The following GPR176 variants were observed in gnomAD, a reference collection of about 807,000 sequenced individuals.
The protein encoded by GPR176 is G-protein coupled receptor 176.
Under a neutral mutation model 35.4 loss-of-function variants are expected in GPR176, and 26 were observed. That is an observed-to-expected ratio of 0.74 (90% CI 0.54 to 1.02). The LOEUF is 1.02. GPR176 is among the 50% of genes least tolerant of loss of function. The probability of loss-of-function intolerance (pLI) is 0.00; values close to 1 mark genes in which losing one functional copy is unlikely to be tolerated. For missense variants in GPR176, 597 were observed against 665.3 expected (o/e 0.90, Z 1.13); for synonymous variants, 278 against 271.3 (o/e 1.02, Z -0.24).
chr15:39,878,102 G>A (rs945148641), intron 1 of GPR176, among the ~76,000 whole-genome samples: 4 of 146,916 alleles, frequency 2.7e-5, no homozygotes, highest in Non-Finnish European at 6.0e-5. Flanking sequence ...TTACCTGTGT[G>A]TGTGTGTGTG....
At chr15:39,815,066 T>C (rs1265590970) in intron 1 of GPR176, 2 of 152,118 alleles carry the variant, frequency 1.3e-5, no homozygotes, top group South Asian at 4.1e-4. Flanking sequence ...GTATGTGCTG[T>C]TTAAGTGTTA....
At chr15:39,844,918 T>C (rs1168745249) in intron 1 of GPR176, among the ~76,000 whole-genome samples, 1 of 152,158 alleles carries the variant, frequency 6.6e-6, no homozygotes, top group African/African-American at 2.4e-5. Context: ...CTTTCAAGGA[T>C]GAAACTAAGA....
intron 1 of GPR176, among the ~76,000 whole-genome samples, chr15:39,879,024 G>A (rs1255919909): frequency 6.6e-6 from 1 of 152,216 alleles, no homozygotes; most frequent in East Asian, 1.9e-4. Context: ...GTACACCTTG[G>A]TGAAGATTAC....
At chr15:39,843,636 ACATTCCC>A (rs1382362591) in intron 1 of GPR176, among the ~76,000 whole-genome samples, 1 of 152,198 alleles carries the variant, frequency 6.6e-6, no homozygotes, top group Non-Finnish European at 1.5e-5. Flanking sequence ...AAAGAAAGCC[ACATTCCC>A]AGCTAAGATG....
chr15:39,877,550 C>CTTTTTTTTTTTTT (rs56071903), intron 1 of GPR176, among the ~76,000 whole-genome samples: 2 of 131,638 alleles, frequency 1.5e-5, no homozygotes. Context: ...TCTTCTTCTT[C>CTTTTTTTTTTTTT]TTTTTTTTTT....
chr15:39,909,307 G>T (rs904710547), intron 1 of GPR176, among the ~76,000 whole-genome samples: 1 of 152,166 alleles, frequency 6.6e-6, no homozygotes, highest in African/African-American at 2.4e-5. Flanking sequence ...ACTTCCTCAC[G>T]TAATAGTTGG....
intron 1 of GPR176, among the ~76,000 whole-genome samples, chr15:39,900,549 G>C (rs1160708608): frequency 6.6e-5 from 10 of 152,158 alleles, no homozygotes; most frequent in African/African-American, 2.4e-4. Flanking sequence ...ACGTACTCCC[G>C]TTGTCCATAT....
intron 1 of GPR176, among the ~76,000 whole-genome samples, chr15:39,838,207 C>T (rs1291266116): frequency 6.6e-6 from 1 of 152,022 alleles, no homozygotes; most frequent in Admixed American, 6.6e-5. Flanking sequence ...AGAATTAAAT[C>T]TACAAAGCTA....
chr15:39,829,866 C>T (rs1275590939), intron 1 of GPR176, among the ~76,000 whole-genome samples: 1 of 152,106 alleles, frequency 6.6e-6, no homozygotes, highest in Non-Finnish European at 1.5e-5. Flanking sequence ...GAGGTTCACA[C>T]AAGGATGGGT....
chr15:39,838,486 T>C (rs116418937), intron 1 of GPR176, among the ~76,000 whole-genome samples: 2,010 of 152,252 alleles, frequency 0.013, 58 homozygotes, highest in African/African-American at 0.046. Flanking sequence ...TTATTGTTAA[T>C]AAAACGTGAA....
At chr15:39,871,180 T>G (rs1489194812) in intron 1 of GPR176, among the ~76,000 whole-genome samples, 1 of 152,188 alleles carries the variant, frequency 6.6e-6, no homozygotes, top group Non-Finnish European at 1.5e-5. Context: ...GTCAATAAAC[T>G]ATCTGAAATT....
At chr15:39,876,262 T>C (rs1325744752) in intron 1 of GPR176, among the ~76,000 whole-genome samples, 4 of 152,178 alleles carry the variant, frequency 2.6e-5, no homozygotes, top group African/African-American at 7.2e-5. Context: ...ACTTCTTTCA[T>C]GGTCCTACTA....
intron 1 of GPR176, among the ~76,000 whole-genome samples, chr15:39,848,780 G>A (rs1595476722): frequency 6.6e-6 from 1 of 151,808 alleles, no homozygotes; most frequent in East Asian, 1.9e-4. Flanking sequence ...ATGAAAATAT[G>A]TACAACCTAT....
chr15:39,831,994 G>GCACA (rs59388406), intron 1 of GPR176, among the ~76,000 whole-genome samples: 9,333 of 146,828 alleles, frequency 0.064, 356 homozygotes, highest in Non-Finnish European at 0.072. Context: ...ACATGTGCAT[G>GCACA]CACACACACA....
intron 1 of GPR176, among the ~76,000 whole-genome samples, chr15:39,892,050 T>G (rs144505526): frequency 4.4e-4 from 67 of 152,320 alleles, no homozygotes; most frequent in African/African-American, 1.6e-3. Flanking sequence ...TTCTACTTTA[T>G]CTGAAAATCA....
intron 1 of GPR176, among the ~76,000 whole-genome samples, chr15:39,846,334 G>A (rs1238594975): frequency 6.6e-6 from 1 of 152,172 alleles, no homozygotes; most frequent in African/African-American, 2.4e-5. Flanking sequence ...ACCATGAGAG[G>A]AATTTAGTTT....
chr15:39,840,863 C>A (rs566075228), intron 1 of GPR176, among the ~76,000 whole-genome samples: 62 of 152,130 alleles, frequency 4.1e-4, no homozygotes, highest in Non-Finnish European at 7.8e-4. Flanking sequence ...TGTATCCTAT[C>A]ATTTAATGTG....
At chr15:39,859,782 T>C (rs1256605747) in intron 1 of GPR176, among the ~76,000 whole-genome samples, 1 of 151,962 alleles carries the variant, frequency 6.6e-6, no homozygotes, top group East Asian at 1.9e-4. Flanking sequence ...AGACAGAAAG[T>C]AGATGGGTGG....
chr15:39,871,542 T>C (rs912348551), intron 1 of GPR176, among the ~76,000 whole-genome samples: 1 of 152,330 alleles, frequency 6.6e-6, no homozygotes, highest in East Asian at 1.9e-4. Flanking sequence ...ATTCACTGCC[T>C]TTAACAGAAC....
Sources: gnomAD v4.1 joint callset for allele counts (sites outside exome capture counted in the v4.1 genomes callset) on GRCh38, gnomAD v4.1.1 for gene constraint, MANE v1.5 for transcripts, NCBI Gene and HGNC (gene_info 2026-07-23, HGNC 2026-07-21) for gene names.